SMAD2: variants seen among roughly 807,000 people sequenced by gnomAD.
The protein encoded by SMAD2 is MAD homolog 2.
Under a neutral mutation model 64.4 loss-of-function variants are expected in SMAD2, and 8 were observed. That is an observed-to-expected ratio of 0.12 (90% CI 0.07 to 0.22). The LOEUF (loss-of-function observed/expected upper bound fraction) is 0.22, where lower values mean the gene tolerates loss of function less well. SMAD2 is among the 10% of genes least tolerant of loss of function. The pLI is 1.00. For synonymous variants in SMAD2, 203 were observed against 195.8 expected (o/e 1.04, Z -0.31); for missense variants, 289 against 561.2 (o/e 0.51, Z 4.90).
At chr18:47,902,794 A>G (rs920808146) in intron 1 of SMAD2, among the ~76,000 whole-genome samples, 2 of 152,190 alleles carry the variant, frequency 1.3e-5, no homozygotes, top group Non-Finnish European at 2.9e-5. Context: ...CTAAATTCCA[A>G]GTGTTGAGCC....
intron 1 of SMAD2, among the ~76,000 whole-genome samples, chr18:47,917,531 TTTC>T (rs1384180937): frequency 1.3e-5 from 2 of 152,204 alleles, no homozygotes; most frequent in African/African-American, 4.8e-5. Context: ...GCATTTTTCT[TTTC>T]TTTTTTCTTC....
At chr18:47,872,951 TCC>T (rs2032033517) in intron 2 of SMAD2, among the ~76,000 whole-genome samples, 1 of 152,266 alleles carries the variant, frequency 6.6e-6, no homozygotes, top group African/African-American at 2.4e-5. Flanking sequence ...GGCCTTGACC[TCC>T]CAGCCTCAAG....
chr18:47,914,163 A>C (rs1478654331), intron 1 of SMAD2, among the ~76,000 whole-genome samples: 1 of 152,312 alleles, frequency 6.6e-6, no homozygotes, highest in Non-Finnish European at 1.5e-5. Context: ...TCCTTTTCTT[A>C]CTGTTTTTAT....
chr18:47,819,075 A>G lies in SMAD2; in HGVS notation c.*22752T>C, dbSNP rs1045169208. 1.3e-5 allele frequency: 2 copies of G among 152,248 alleles called. No homozygotes were observed. The highest frequency in any genetic ancestry group is 2.4e-5 in the African/African-American group (1 of 41,470). The allele number at this position is 152,248 out of a possible 1,614,324, so 9.4% of individuals were successfully genotyped here. ...GGCCACAAATCCCTTAAGGAATTCT[A>G]TTCATCAAATAAATGAGTGCTAATA... On this transcript the variant is annotated 3_prime_UTR_variant, in exon 11 of 11. Transcript: ENST00000262160.
chr18:47,819,795 C>CAAAAAAAAA lies in SMAD2; in HGVS notation c.*22023_*22031dup, dbSNP rs764594290. ...TGGGTGACAGAGCGAGACTCCGTCT[C>CAAAAAAAAA]AAAAAAAAAAAAAAAAAAAAGAATT... On this transcript the variant is annotated 3_prime_UTR_variant, in exon 11 of 11. Transcript: ENST00000262160. 4.1e-5 allele frequency: 4 copies of CAAAAAAAAA among 97,154 alleles called. No homozygotes were observed. Among genetic ancestry groups the CAAAAAAAAA allele is most frequent in the East Asian group, 6.4e-4 (2 of 3,144 alleles). 6.0% of individuals were successfully genotyped at this position (97,154 alleles called of 1,614,324 possible).
chr18:47,913,898 A>G (rs2034237575), intron 1 of SMAD2, among the ~76,000 whole-genome samples: 1 of 152,232 alleles, frequency 6.6e-6, no homozygotes, highest in South Asian at 2.1e-4. Flanking sequence ...TGATACTTAC[A>G]TAATGCAGAT....
At chr18:47,842,351 C>A (rs1167836205) in intron 10 of SMAD2, among the ~76,000 whole-genome samples, 1 of 152,024 alleles carries the variant, frequency 6.6e-6, no homozygotes, top group Non-Finnish European at 1.5e-5. Context: ...ACCATCCTGG[C>A]CAACATGGTG....
chr18:47,891,682 G>A (rs909483723), intron 2 of SMAD2, among the ~76,000 whole-genome samples: 5 of 151,826 alleles, frequency 3.3e-5, no homozygotes, highest in South Asian at 2.1e-4. Context: ...ATGCTGCCAC[G>A]TCTGGCTAGA....
rs557810415 is a variant in SMAD2, at chr18:47,839,297, G to A, written c.*2530C>T. 1 of 233,188 alleles carries A rather than the reference G, an allele frequency of 4.3e-6. No individual in the cohort carries two copies. Among genetic ancestry groups the A allele is most frequent in the South Asian group, 1.8e-4 (1 of 5,494 alleles). 14.4% of individuals were successfully genotyped at this position (233,188 alleles called of 1,614,324 possible). A position where few individuals can be genotyped will look rare whatever the true frequency, so the allele number is the denominator to read the frequency against. ...ATGCAAGAGTAACCACCAAGATCAGGACCTTCTACCACTTTCAGAGTTGTT... is the reference window on the plus strand; with the variant it reads ...ATGCAAGAGTAACCACCAAGATCAGAACCTTCTACCACTTTCAGAGTTGTT... On this transcript the variant is annotated 3_prime_UTR_variant, in exon 11 of 11. Transcript: ENST00000262160.
At chr18:47,848,717 AAAGG>A (rs1914774906) in intron 7 of SMAD2, 30 bp from the exon 8 acceptor site, 2 of 1,478,934 alleles carry the variant, frequency 1.4e-6, no homozygotes, top group Middle Eastern at 1.9e-4. Context: ...AAAAATAATA[AAAGG>A]AAGAAATGCG....
chr18:47,922,663 G>A (rs533391011), intron 1 of SMAD2: 5 of 152,038 alleles, frequency 3.3e-5, no homozygotes, highest in African/African-American at 9.6e-5. Context: ...ATACTACAAG[G>A]CAGAGAAAAA....
chr18:47,843,296 C>G (rs1331319621), intron 10 of SMAD2, among the ~76,000 whole-genome samples: 3 of 152,196 alleles, frequency 2.0e-5, no homozygotes, highest in Admixed American at 6.5e-5. Context: ...AGACTGTTTA[C>G]TGTTTCCTAG....
intron 2 of SMAD2, among the ~76,000 whole-genome samples, chr18:47,872,007 G>A (rs994061949): frequency 2.0e-5 from 3 of 152,162 alleles, no homozygotes; most frequent in Admixed American, 2.0e-4. Flanking sequence ...GGACTCACAT[G>A]AGAACCAGAA....
chr18:47,862,793 C>T (rs1045117559), intron 6 of SMAD2, among the ~76,000 whole-genome samples: 3 of 152,122 alleles, frequency 2.0e-5, no homozygotes, highest in South Asian at 2.1e-4. Flanking sequence ...AAATCCACAT[C>T]TTATGATCTA....
At chr18:47,893,291 T>C (rs1267609412) in intron 2 of SMAD2, among the ~76,000 whole-genome samples, 1 of 151,962 alleles carries the variant, frequency 6.6e-6, no homozygotes, top group Non-Finnish European at 1.5e-5. Flanking sequence ...ATGAGGGGAG[T>C]GGGAGGGACA....
chr18:47,916,356 T>C (rs1271028854), intron 1 of SMAD2, among the ~76,000 whole-genome samples: 2 of 152,146 alleles, frequency 1.3e-5, no homozygotes, highest in African/African-American at 4.8e-5. Context: ...TGTAGTCTGG[T>C]GTTTTGCTTG....
intron 6 of SMAD2, among the ~76,000 whole-genome samples, chr18:47,863,387 T>G (rs2031329941): frequency 6.6e-6 from 1 of 152,234 alleles, no homozygotes; most frequent in Non-Finnish European, 1.5e-5. Context: ...GGGTTCAAAG[T>G]TAGCCCCAAC....
intron 1 of SMAD2, among the ~76,000 whole-genome samples, chr18:47,917,516 C>A (rs1292755610): frequency 6.6e-6 from 1 of 151,988 alleles, no homozygotes; most frequent in Non-Finnish European, 1.5e-5. Flanking sequence ...TTTTCTAATA[C>A]CTATGCATTT....
intron 3 of SMAD2, 43 bp downstream of exon 3, chr18:47,870,432 T>C (rs748420011): frequency 7.0e-7 from 1 of 1,421,710 alleles, no homozygotes; most frequent in South Asian, 1.1e-5. Flanking sequence ...TATACCCCCC[T>C]CCCACAAGAT....
Sources: allele counts gnomAD v4.1 joint callset (sites outside exome capture counted in the v4.1 genomes callset), GRCh38; gene constraint gnomAD v4.1.1; transcripts MANE v1.5; gene names NCBI Gene and HGNC (gene_info 2026-07-23, HGNC 2026-07-21).